Variants in RBFOX1 observed in about 807,000 individuals in gnomAD.
RBFOX1 encodes RNA binding protein fox-1 homolog 1.
In RBFOX1, 8 loss-of-function variants were observed where a neutral mutation model predicts 57.7. The observed-to-expected ratio is 0.14, with a 90% CI of 0.08 to 0.25. RBFOX1 has a LOEUF of 0.25. Among genes scored for constraint, RBFOX1 ranks in the 10% least tolerant of loss-of-function variants. RBFOX1 has a pLI of 1.00. For missense variants in RBFOX1, 611 were observed against 548.5 expected, an observed-to-expected ratio of 1.11 and a Z score of -1.14; for synonymous variants, 326 against 222.4, an observed-to-expected ratio of 1.47 and a Z score of -4.15.
At chr16:5,459,924 C>T (rs572454764) in intron 1 of RBFOX1, among the ~76,000 whole-genome samples, 12 of 152,240 alleles carry the variant, frequency 7.9e-5, no homozygotes, top group South Asian at 4.2e-4. Context: ...CTCTCCGTGT[C>T]GCCACTCCGA....
chr16:6,907,556 G>C (rs58073054), intron 3 of RBFOX1, among the ~76,000 whole-genome samples: 4,957 of 152,090 alleles, frequency 0.033, 203 homozygotes, highest in East Asian at 0.12. Context: ...CTTAGCTTCT[G>C]TTTTTGTTTG....
At chr16:5,575,995 T>G (rs2046441219) in intron 2 of RBFOX1, among the ~76,000 whole-genome samples, 1 of 152,126 alleles carries the variant, frequency 6.6e-6, no homozygotes, top group Non-Finnish European at 1.5e-5. Context: ...TCTTTTTTTT[T>G]TCTTTTTTTG....
At chr16:7,014,016 G>A (rs1401933647) in intron 3 of RBFOX1, among the ~76,000 whole-genome samples, 5 of 152,228 alleles carry the variant, frequency 3.3e-5, no homozygotes, top group Middle Eastern at 3.4e-3. Flanking sequence ...GGAAGAGTAG[G>A]TTTCAAGGAA....
chr16:5,435,936 C>A (rs780420102), intron 1 of RBFOX1, among the ~76,000 whole-genome samples: 2 of 152,192 alleles, frequency 1.3e-5, no homozygotes, highest in East Asian at 1.9e-4. Flanking sequence ...TAGGTACACA[C>A]CTTTGATTAC....
At chr16:5,914,768 G>A (rs920674165) in intron 4 of RBFOX1, among the ~76,000 whole-genome samples, 1 of 152,094 alleles carries the variant, frequency 6.6e-6, no homozygotes, top group African/African-American at 2.4e-5. Flanking sequence ...GGTGGCAGGC[G>A]CCTGTAGTCC....
chr16:7,366,832 A>G (rs1311620405), intron 4 of RBFOX1, among the ~76,000 whole-genome samples: 4 of 152,216 alleles, frequency 2.6e-5, no homozygotes, highest in African/African-American at 4.8e-5. Flanking sequence ...GACATCAGGC[A>G]GAGACACATG....
chr16:7,357,889 C>T (rs148310698), intron 4 of RBFOX1, among the ~76,000 whole-genome samples: 1 of 152,032 alleles, frequency 6.6e-6, no homozygotes, highest in African/African-American at 2.4e-5. Flanking sequence ...AGTTTTGGTT[C>T]CTCTTTAATT....
intron 4 of RBFOX1, among the ~76,000 whole-genome samples, chr16:5,974,558 T>C (rs2060024778): frequency 6.6e-6 from 1 of 151,658 alleles, no homozygotes; most frequent in Non-Finnish European, 1.5e-5. Flanking sequence ...TGCAGTGAGC[T>C]GAGATGGCAC....
chr16:7,346,312 A>G (rs1390504289), intron 4 of RBFOX1, among the ~76,000 whole-genome samples: 1 of 151,854 alleles, frequency 6.6e-6, no homozygotes, highest in South Asian at 2.1e-4. Flanking sequence ...CGAGACGTCT[A>G]TAGAGTAAAC....
intron 3 of RBFOX1, among the ~76,000 whole-genome samples, chr16:5,704,092 G>C (rs2051150820): frequency 6.6e-6 from 1 of 152,100 alleles, no homozygotes. Flanking sequence ...ACCTTGAACT[G>C]CTTGTTGGGC....
chr16:6,855,894 C>CCTTACCTCCCTT (rs2057794242), intron 3 of RBFOX1, among the ~76,000 whole-genome samples: 1 of 143,966 alleles, frequency 6.9e-6, no homozygotes, highest in Non-Finnish European at 1.5e-5. Context: ...TTGTCTCCCT[C>CCTTACCTCCCTT]CTTACCTCCC....
At chr16:6,333,056 T>G (rs1195777635) in intron 2 of RBFOX1, among the ~76,000 whole-genome samples, 1 of 152,220 alleles carries the variant, frequency 6.6e-6, no homozygotes, top group African/African-American at 2.4e-5. Context: ...TTTTTCTTTT[T>G]TGAGACAGCA....
intron 3 of RBFOX1, among the ~76,000 whole-genome samples, chr16:7,026,985 G>GCA (rs1419202138): frequency 6.6e-6 from 1 of 152,106 alleles, no homozygotes; most frequent in Non-Finnish European, 1.5e-5. Context: ...GCATACATCA[G>GCA]CACCCCTAAG....
chr16:7,218,822 C>T (rs1307292375), intron 4 of RBFOX1, among the ~76,000 whole-genome samples: 1 of 151,746 alleles, frequency 6.6e-6, no homozygotes, highest in Non-Finnish European at 1.5e-5. Flanking sequence ...CTAGAAGTAT[C>T]AGAAGTTGCT....
intron 2 of RBFOX1, among the ~76,000 whole-genome samples, chr16:6,470,863 A>T (rs1167128198): frequency 1.3e-5 from 2 of 152,072 alleles, no homozygotes; most frequent in African/African-American, 4.8e-5. Context: ...AATTCTATTT[A>T]TCAAATATTT....
intron 2 of RBFOX1, among the ~76,000 whole-genome samples, chr16:5,483,736 A>C (rs2151649688): frequency 6.6e-6 from 1 of 152,262 alleles, no homozygotes; most frequent in African/African-American, 2.4e-5. Flanking sequence ...TTAGTTATCT[A>C]TTGCTGTGTA....
At chr16:5,832,574 C>G (rs1172186864) in intron 3 of RBFOX1, among the ~76,000 whole-genome samples, 1 of 152,244 alleles carries the variant, frequency 6.6e-6, no homozygotes, top group Admixed American at 6.5e-5. Context: ...TTAGCTGTCA[C>G]TGTTAGGCTT....
At chr16:7,230,524 CT>C (rs1196816941) in intron 4 of RBFOX1, among the ~76,000 whole-genome samples, 10 of 152,134 alleles carry the variant, frequency 6.6e-5, no homozygotes, top group Non-Finnish European at 1.5e-4. Context: ...TGAAGCACTG[CT>C]TGACAGATTC....
chr16:7,159,117 A>G (rs2077746524), intron 4 of RBFOX1, among the ~76,000 whole-genome samples: 1 of 152,054 alleles, frequency 6.6e-6, no homozygotes, highest in Admixed American at 6.6e-5. Context: ...ATCATACAGG[A>G]TGTAACCTTT....
Sources: gnomAD v4.1 joint callset for allele counts (sites outside exome capture counted in the v4.1 genomes callset) on GRCh38, gnomAD v4.1.1 for gene constraint, MANE v1.5 for transcripts, NCBI Gene and HGNC (gene_info 2026-07-23, HGNC 2026-07-21) for gene names.